PCDH19: variants seen among roughly 807,000 people sequenced by gnomAD.
The protein encoded by PCDH19 is protocadherin 19.
In PCDH19, 6 loss-of-function variants were observed where a neutral mutation model predicts 46.2. The observed-to-expected ratio is 0.13, with a 90% CI of 0.07 to 0.26. The LOEUF (loss-of-function observed/expected upper bound fraction) is 0.26, where lower values mean the gene tolerates loss of function less well. Among genes scored for constraint, PCDH19 ranks in the 10% least tolerant of loss-of-function variants. The probability of loss-of-function intolerance (pLI) is 1.00; values close to 1 mark genes in which losing one functional copy is unlikely to be tolerated. For missense variants in PCDH19, 740 were observed against 972.3 expected (o/e 0.76, Z 3.18); for synonymous variants, 481 against 415.7 (o/e 1.16, Z -1.91).
intron 5 of PCDH19, among the ~76,000 whole-genome samples, chrX:100,308,189 T>C (rs1480121201): frequency 2.7e-5 from 3 of 110,996 alleles, no homozygotes; most frequent in Middle Eastern, 4.3e-3. Flanking sequence ...GGTATAAAAA[T>C]AAGTACGTAG....
chrX:100,315,087 C>A (rs1033487328), intron 5 of PCDH19, among the ~76,000 whole-genome samples: 2 of 112,367 alleles, frequency 1.8e-5, no homozygotes, highest in Admixed American at 1.9e-4. Flanking sequence ...GAAAATCCTC[C>A]TTCCCACCAA....
intron 5 of PCDH19, among the ~76,000 whole-genome samples, chrX:100,318,352 G>T (rs1232873437): frequency 8.9e-6 from 1 of 112,200 alleles, no homozygotes; most frequent in Non-Finnish European, 1.9e-5. Context: ...ACAGTGCCTC[G>T]CACTAAGGAA....
chrX:100,361,596 T>A (rs978568547), intron 3 of PCDH19, among the ~76,000 whole-genome samples: 4 of 112,284 alleles, frequency 3.6e-5, no homozygotes, highest in African/African-American at 9.7e-5. Flanking sequence ...ACTTGCCTTT[T>A]CTTTTTCTCA....
At chrX:100,304,749 C>T (rs1290838211) in intron 5 of PCDH19, among the ~76,000 whole-genome samples, 3 of 112,065 alleles carry the variant, frequency 2.7e-5, no homozygotes, top group Non-Finnish European at 3.8e-5. Flanking sequence ...TTCTGGAAAT[C>T]AAGGACACAC....
intron 3 of PCDH19, among the ~76,000 whole-genome samples, chrX:100,371,889 C>CAAAA (rs1240426120): frequency 9.4e-6 from 1 of 105,919 alleles, no homozygotes; most frequent in Non-Finnish European, 1.9e-5. Context: ...CACACCCACA[C>CAAAA]AAAACTTAAA....
chrX:100,298,135 A>G (rs935374094), intron 5 of PCDH19, among the ~76,000 whole-genome samples: 2 of 110,785 alleles, frequency 1.8e-5, no homozygotes, highest in African/African-American at 6.6e-5. Flanking sequence ...TTGTATTTCT[A>G]TATTTTTGGT....
chrX:100,368,428 A>G lies in PCDH19; in HGVS notation c.2617-17724T>C, dbSNP rs372802284. Among the ~76,000 whole-genome samples the G allele has an allele frequency of 9.9e-5, 11 of 111,211 alleles. No homozygotes were observed. The East Asian group carries it at 3.1e-3, about 32-fold the overall frequency. On this transcript the variant is annotated intron_variant, in intron 3 of 5. Coordinates refer to ENST00000373034, the MANE Select transcript of PCDH19 (RefSeq NM_001184880.2). ...CTATGAATAGAGAATACACCATAAA[A>G]CTTCCACACTTGGTGGGGAGCAGAG...
chrX:100,322,859 A>ATTTTTTTT (rs1400588865), intron 5 of PCDH19, among the ~76,000 whole-genome samples: 6 of 43,686 alleles, frequency 1.4e-4, no homozygotes, highest in African/African-American at 6.8e-4. Flanking sequence ...ATATATATAT[A>ATTTTTTTT]TATATATTTT....
At chrX:100,314,652 T>C (rs1020825198) in intron 5 of PCDH19, among the ~76,000 whole-genome samples, 1 of 111,477 alleles carries the variant, frequency 9.0e-6, no homozygotes, top group Non-Finnish European at 1.9e-5. Context: ...CCTGGAAGAA[T>C]GTCCAGGGTA....
At chrX:100,328,651 G>T (rs899591433) in intron 5 of PCDH19, among the ~76,000 whole-genome samples, 1 of 111,501 alleles carries the variant, frequency 9.0e-6, no homozygotes, top group South Asian at 3.8e-4. Context: ...AAAACATAAC[G>T]GTGGTAGAAA....
intron 5 of PCDH19, among the ~76,000 whole-genome samples, chrX:100,325,659 C>T (rs928394350): frequency 3.6e-5 from 4 of 112,213 alleles, no homozygotes; most frequent in African/African-American, 1.3e-4. Context: ...TGAGCCACCG[C>T]GCCCGGCCAG....
intron 1 of PCDH19, among the ~76,000 whole-genome samples, chrX:100,404,955 T>C (rs1282011199): frequency 8.9e-6 from 1 of 112,239 alleles, no homozygotes; most frequent in Non-Finnish European, 1.9e-5. Flanking sequence ...AATGACTTGG[T>C]GCTGAAGGAA....
chrX:100,317,202 T>C (rs1420613736), intron 5 of PCDH19, among the ~76,000 whole-genome samples: 3 of 111,736 alleles, frequency 2.7e-5, no homozygotes, highest in Non-Finnish European at 5.6e-5. Flanking sequence ...AGCCCAGCTA[T>C]GGTGTGCCAC....
Position 100,408,517 on chromosome X carries a change from G to A in PCDH19, c.81C>T (p.Tyr27=), listed in dbSNP as rs56307810. ...CGGCGCGCTGCTCCTCTTCTACCGA[G>A]TACTTGAGATTAATGAGGGCGGCAG... ...TQAAALINLK[Y]SVEEEQRAGT... The change falls in exon 1 of 6, where the codon TAC becomes TAT. Residue 27 remains tyrosine (Y), a synonymous_variant. Coordinates refer to ENST00000373034, the MANE Select transcript of PCDH19 (RefSeq NM_001184880.2). 0.012 allele frequency: 14,704 copies of A among 1,199,655 alleles called. 89 individuals carry two copies. The highest frequency in any genetic ancestry group is 0.015 in the Non-Finnish European group (13,022 of 892,523).
At chrX:100,368,453 G>C (rs946744854) in intron 3 of PCDH19, among the ~76,000 whole-genome samples, 3 of 111,767 alleles carry the variant, frequency 2.7e-5, no homozygotes, top group African/African-American at 9.7e-5. Context: ...GGGGAGCAGA[G>C]AGAGCTTTCC....
At chrX:100,359,639 A>G (rs1468339562) in intron 3 of PCDH19, among the ~76,000 whole-genome samples, 4 of 112,094 alleles carry the variant, frequency 3.6e-5, no homozygotes, top group Non-Finnish European at 7.5e-5. Flanking sequence ...TGTAACCCCA[A>G]TGACTTGGAA....
chrX:100,327,975 T>A (rs1057410222), intron 5 of PCDH19, among the ~76,000 whole-genome samples: 1 of 111,835 alleles, frequency 8.9e-6, no homozygotes, highest in African/African-American at 3.3e-5. Context: ...TGCAAGAATA[T>A]TGGGTTCTGT....
chrX:100,340,836 T>G (rs1926233223), intron 5 of PCDH19, among the ~76,000 whole-genome samples: 1 of 112,250 alleles, frequency 8.9e-6, no homozygotes, highest in African/African-American at 3.2e-5. Flanking sequence ...TTTAATGATG[T>G]TTACAGTGAA....
At chrX:100,379,730 G>A (rs1287722689) in intron 3 of PCDH19, among the ~76,000 whole-genome samples, 1 of 112,347 alleles carries the variant, frequency 8.9e-6, no homozygotes, top group Non-Finnish European at 1.9e-5. Context: ...TAAAGAGGAA[G>A]AGGCCCTTGA....
Sources: gnomAD v4.1 joint callset for allele counts (sites outside exome capture counted in the v4.1 genomes callset) on GRCh38, gnomAD v4.1.1 for gene constraint, MANE v1.5 for transcripts, NCBI Gene and HGNC (gene_info 2026-07-23, HGNC 2026-07-21) for gene names.